Variants in VWA3B observed in about 807,000 individuals in gnomAD.
VWA3B encodes von Willebrand factor A domain containing 3B.
A neutral mutation model predicts 158.3 loss-of-function variants in VWA3B; 138 were observed. The ratio of observed to expected loss-of-function variants is 0.87; its 90% confidence interval spans 0.76 to 1.00. The LOEUF is 1.00. Ranked by LOEUF, VWA3B falls within the 50% of genes least tolerant of loss-of-function variation. The probability of loss-of-function intolerance (pLI) is 0.00; values close to 1 mark genes in which losing one functional copy is unlikely to be tolerated. For synonymous variants in VWA3B, 596 were observed against 587.3 expected, an observed-to-expected ratio of 1.01 and a Z score of -0.21; for missense variants, 1,555 against 1,565.1, an observed-to-expected ratio of 0.99 and a Z score of 0.11.
At chr2:98,171,018 C>T (rs964188809) in intron 8 of VWA3B, among the ~76,000 whole-genome samples, 2 of 152,172 alleles carry the variant, frequency 1.3e-5, no homozygotes, top group Non-Finnish European at 2.9e-5. Flanking sequence ...ATGATAATAC[C>T]TACTCCACGG....
chr2:98,301,003 T>C (rs1463255018), intron 25 of VWA3B, among the ~76,000 whole-genome samples: 1 of 152,126 alleles, frequency 6.6e-6, no homozygotes, highest in Non-Finnish European at 1.5e-5. Context: ...AAAAGCCCTG[T>C]GTTTAGGCCA....
intron 2 of VWA3B, among the ~76,000 whole-genome samples, chr2:98,113,191 T>A (rs916532491): frequency 2.0e-5 from 3 of 152,078 alleles, no homozygotes; most frequent in African/African-American, 7.2e-5. Context: ...ATTTTTCTCT[T>A]TGTTTATGTA....
At chr2:98,293,585 C>T (rs1024184672) in intron 23 of VWA3B, among the ~76,000 whole-genome samples, 1 of 152,180 alleles carries the variant, frequency 6.6e-6, no homozygotes, top group African/African-American at 2.4e-5. Flanking sequence ...CAATTTTTAA[C>T]ATTTGGTCAC....
At chr2:98,156,601 A>G (rs1678098157) in intron 7 of VWA3B, among the ~76,000 whole-genome samples, 1 of 151,856 alleles carries the variant, frequency 6.6e-6, no homozygotes, top group Non-Finnish European at 1.5e-5. Flanking sequence ...TTTATGCGCT[A>G]TAGATCCCTT....
intron 7 of VWA3B, among the ~76,000 whole-genome samples, chr2:98,154,007 G>A (rs1377094161): frequency 3.9e-5 from 6 of 152,064 alleles, no homozygotes; most frequent in Admixed American, 2.0e-4. Context: ...GATTACAGGC[G>A]CCTGTCACCA....
chr2:98,316,697 T>G (rs981367198), downstream of VWA3B, among the ~76,000 whole-genome samples: 1 of 149,534 alleles, frequency 6.7e-6, no homozygotes, highest in Non-Finnish European at 1.5e-5. Flanking sequence ...GAGGGCCTGG[T>G]GGGAGGGTGA....
rs2105051536 is a variant in VWA3B, at chr2:98,133,953, A to G, written c.988+14A>G. On this transcript the variant is annotated intron_variant, in intron 7 of 27. Transcript: ENST00000477737. ...AACTCCCTCCAGGTACCTGGAATCC[A>G]AAAGAAGTGGTGTAGCTTATGTCCC... 2 of 1,604,988 alleles carry G rather than the reference A, an allele frequency of 1.2e-6. No homozygotes were observed. The highest frequency in any genetic ancestry group is 2.2e-5 in the East Asian group (1 of 44,834).
Position 98,248,823 on chromosome 2 carries a change from T to TTTTC in VWA3B, c.2674-1437_2674-1434dup, listed in dbSNP as rs55742932. On this transcript the variant is annotated intron_variant, in intron 19 of 27. Coordinates refer to ENST00000477737, the MANE Select transcript of VWA3B (RefSeq NM_144992.5). ...TCTCTCTGTCTCTCTTTCTCTTTCTTTTTCTTTCTTTCTTTCTTTCTTTCT... is the reference window on the plus strand; with the variant it reads ...TCTCTCTGTCTCTCTTTCTCTTTCTTTTTCTTTCTTTCTTTCTTTCTTTCTTTCT... 7.5e-3 allele frequency among the ~76,000 whole-genome samples: 1,034 copies of TTTTC among 137,764 alleles called. 6 individuals carry two copies. Among genetic ancestry groups the TTTTC allele is most frequent in the Non-Finnish European group, 0.012 (774 of 62,660 alleles). 90.4% of individuals were successfully genotyped at this position (137,764 alleles called of 152,430 possible).
At chr2:98,302,241 C>T (rs1690245164) in intron 25 of VWA3B, among the ~76,000 whole-genome samples, 1 of 152,210 alleles carries the variant, frequency 6.6e-6, no homozygotes, top group Non-Finnish European at 1.5e-5. Context: ...CCTAAAGACT[C>T]TGCCTGATTG....
At chr2:98,312,135 T>C (rs1292698657) in intron 27 of VWA3B, 65 bp from the exon 28 acceptor site, 1 of 1,614,020 alleles carries the variant, frequency 6.2e-7, no homozygotes, top group South Asian at 1.1e-5. Context: ...ATTCTGGGCC[T>C]GTTTAGGCTC....
At chr2:98,264,676 T>C (rs1375188271) in intron 21 of VWA3B, among the ~76,000 whole-genome samples, 3 of 152,160 alleles carry the variant, frequency 2.0e-5, no homozygotes, top group Non-Finnish European at 2.9e-5. Context: ...GAGAAGAATG[T>C]GTATTCTGCT....
intron 13 of VWA3B, chr2:98,216,870 C>A: frequency 2.6e-6 from 3 of 1,152,368 alleles, no homozygotes; most frequent in African/African-American, 1.6e-5. Context: ...TTCAGATGGG[C>A]AGTGCTGGAT....
intron 8 of VWA3B, among the ~76,000 whole-genome samples, chr2:98,175,344 A>G (rs2105318737): frequency 6.6e-6 from 1 of 152,352 alleles, no homozygotes; most frequent in East Asian, 1.9e-4. Context: ...CTTACCAATT[A>G]GAGATATCAA....
intron 10 of VWA3B, among the ~76,000 whole-genome samples, chr2:98,190,342 GT>G: frequency 6.6e-6 from 1 of 151,992 alleles, no homozygotes; most frequent in Non-Finnish European, 1.5e-5. Flanking sequence ...TTCTATTGTT[GT>G]GCACTTCTGT....
At chr2:98,321,289 T>C in the VWA3B span, among the ~76,000 whole-genome samples, 1 of 152,230 alleles carries the variant, frequency 6.6e-6, no homozygotes, top group East Asian at 1.9e-4. Flanking sequence ...GCTAGGGCAG[T>C]GCAGAAGGAA....
At chr2:98,152,384 A>T (rs1677709244) in intron 7 of VWA3B, among the ~76,000 whole-genome samples, 1 of 152,196 alleles carries the variant, frequency 6.6e-6, no homozygotes, top group Non-Finnish European at 1.5e-5. Flanking sequence ...TGGGGAAGGA[A>T]CTTTAACTGC....
chr2:98,174,300 C>T (rs12473335), intron 8 of VWA3B, among the ~76,000 whole-genome samples: 17,056 of 152,164 alleles, frequency 0.11, 1,012 homozygotes, highest in Middle Eastern at 0.13. Context: ...ACCTTAAAAA[C>T]GAACAGTTTG....
chr2:98,267,938 A>G (rs1374593933), intron 21 of VWA3B, among the ~76,000 whole-genome samples: 1 of 152,148 alleles, frequency 6.6e-6, no homozygotes, highest in Non-Finnish European at 1.5e-5. Context: ...TAGAAAATCT[A>G]GAAGAAATGG....
chr2:98,155,345 G>A (rs1399347646), intron 7 of VWA3B, among the ~76,000 whole-genome samples: 5 of 152,232 alleles, frequency 3.3e-5, no homozygotes. Flanking sequence ...ACACACAACA[G>A]ATGGGTTTGC....
Sources: gnomAD v4.1 joint callset for allele counts (sites outside exome capture counted in the v4.1 genomes callset) on GRCh38, gnomAD v4.1.1 for gene constraint, MANE v1.5 for transcripts, NCBI Gene and HGNC (gene_info 2026-07-23, HGNC 2026-07-21) for gene names.